DMD: variants seen among roughly 807,000 people sequenced by gnomAD.
DMD encodes dystrophin, also known as mutant dystrophin.
In DMD, 63 loss-of-function variants were observed where a neutral mutation model predicts 330.1. The ratio of observed to expected loss-of-function variants is 0.19; its 90% CI spans 0.16 to 0.24. DMD has a LOEUF of 0.24. Among genes scored for constraint, DMD ranks in the 10% least tolerant of loss-of-function variants. The probability of loss-of-function intolerance (pLI) is 1.00; values close to 1 mark genes in which losing one functional copy is unlikely to be tolerated. For missense variants in DMD, 3,344 were observed against 2,684.1 expected, an observed-to-expected ratio of 1.25 and a Z score of -5.43; for synonymous variants, 1,223 against 959.8, an observed-to-expected ratio of 1.27 and a Z score of -5.07.
intron 7 of DMD, among the ~76,000 whole-genome samples, chrX:32,776,325 C>T (rs1204171346): frequency 9.2e-6 from 1 of 108,352 alleles, no homozygotes; most frequent in Admixed American, 1.0e-4. Context: ...TTACCCAGTT[C>T]CAAAGTCACT....
intron 41 of DMD, among the ~76,000 whole-genome samples, chrX:32,322,759 G>T (rs1448980519): frequency 9.0e-6 from 1 of 110,994 alleles, no homozygotes; most frequent in Non-Finnish European, 1.9e-5. Context: ...GGAAACAATA[G>T]TAGCTTGAAG....
intron 44 of DMD, among the ~76,000 whole-genome samples, chrX:32,022,769 T>G (rs1402071997): frequency 9.0e-6 from 1 of 110,883 alleles, no homozygotes; most frequent in Non-Finnish European, 1.9e-5. Context: ...CAATGTCATA[T>G]ATTGCAAAAA....
intron 47 of DMD, among the ~76,000 whole-genome samples, chrX:31,907,158 C>G (rs1050217736): frequency 9.0e-6 from 1 of 111,600 alleles, no homozygotes; most frequent in East Asian, 2.8e-4. Flanking sequence ...AAAATTTGAG[C>G]TCAAGTAGTT....
At chrX:31,163,877 C>A (rs1414505657) in intron 74 of DMD, among the ~76,000 whole-genome samples, 2 of 111,663 alleles carry the variant, frequency 1.8e-5, no homozygotes, top group African/African-American at 6.5e-5. Flanking sequence ...CACTGCACGA[C>A]ACTGTGTGAA....
chrX:31,476,397 G>GTATA lies in DMD; in HGVS notation c.8937+1705_8937+1708dup, dbSNP rs373498710. On this transcript the variant is annotated intron_variant, in intron 59 of 78. Transcript: ENST00000357033. ...TATCTAACTATGTATGTGTGTGTGTGTATATATATATATATATATATATAC... is the reference window on the plus strand; with the variant it reads ...TATCTAACTATGTATGTGTGTGTGTGTATATATATATATATATATATATATATAC... Among the ~76,000 whole-genome samples the GTATA allele has an allele frequency of 8.6e-3, 759 of 88,260 alleles. 7 individuals carry two copies. The highest frequency in any genetic ancestry group is 0.013 in the African/African-American group (310 of 23,438). 76.6% of individuals were successfully genotyped at this position (88,260 alleles called of 115,157 possible).
At chrX:31,328,127 T>G (rs2056893503) in intron 61 of DMD, among the ~76,000 whole-genome samples, 1 of 112,372 alleles carries the variant, frequency 8.9e-6, no homozygotes, top group Admixed American at 9.4e-5. Flanking sequence ...ATAAATTCCC[T>G]CTTTGGGAAC....
At chrX:31,783,682 T>C (rs1461156257) in intron 50 of DMD, among the ~76,000 whole-genome samples, 1 of 110,936 alleles carries the variant, frequency 9.0e-6, no homozygotes, top group Non-Finnish European at 1.9e-5. Context: ...TATATATGCA[T>C]ATGTATATAT....
At chrX:33,204,352 C>T (rs776762672) in intron 1 of DMD, among the ~76,000 whole-genome samples, 2 of 111,994 alleles carry the variant, frequency 1.8e-5, no homozygotes, top group East Asian at 5.6e-4. Flanking sequence ...TGTTTTAGAT[C>T]TTTCTCCATA....
chrX:32,902,660 A>C (rs2086367903), intron 2 of DMD, among the ~76,000 whole-genome samples: 1 of 110,741 alleles, frequency 9.0e-6, no homozygotes, highest in African/African-American at 3.4e-5. Flanking sequence ...TCATTTCTAT[A>C]AAAAGAAATG....
At chrX:32,523,957 G>T (rs1293360025) in intron 17 of DMD, among the ~76,000 whole-genome samples, 1 of 101,198 alleles carries the variant, frequency 9.9e-6, no homozygotes, top group Non-Finnish European at 2.0e-5. Context: ...TTTTGAGACG[G>T]AGTCTTGCTC....
intron 59 of DMD, among the ~76,000 whole-genome samples, chrX:31,470,344 C>T (rs1185654084): frequency 2.7e-5 from 3 of 111,612 alleles, no homozygotes; most frequent in African/African-American, 9.8e-5. Flanking sequence ...TGGTGACCTT[C>T]AGATGGGGTT....
chrX:31,678,658 G>A (rs866000251), intron 53 of DMD, among the ~76,000 whole-genome samples: 17 of 111,076 alleles, frequency 1.5e-4, no homozygotes, highest in African/African-American at 5.6e-4. Context: ...GAAAGTGAGA[G>A]TACTCCTTAT....
intron 18 of DMD, among the ~76,000 whole-genome samples, chrX:32,508,985 T>G (rs1339176367): frequency 4.6e-5 from 5 of 108,832 alleles, no homozygotes; most frequent in Non-Finnish European, 7.6e-5. Flanking sequence ...TAATTTTTTG[T>G]ATTTTTAGTA....
intron 2 of DMD, among the ~76,000 whole-genome samples, chrX:33,018,514 A>G (rs1036507261): frequency 9.0e-6 from 1 of 111,724 alleles, no homozygotes; most frequent in Middle Eastern, 4.2e-3. Context: ...GATAAATGAT[A>G]ATGGAAAAGG....
chrX:32,272,019 T>C (rs764451303), intron 43 of DMD, among the ~76,000 whole-genome samples: 43 of 111,764 alleles, frequency 3.8e-4, no homozygotes, highest in Middle Eastern at 4.6e-3. Context: ...TTAACATGTA[T>C]TGAACATCTA....
chrX:32,961,021 T>C (rs1164293944), intron 2 of DMD, among the ~76,000 whole-genome samples: 1 of 110,868 alleles, frequency 9.0e-6, no homozygotes, highest in Non-Finnish European at 1.9e-5. Flanking sequence ...TGTAAAATTG[T>C]ATATGTTAAT....
At position 33,009,453 on chromosome X, in the gene DMD, T is replaced by C. The variant is rs1476654560; in HGVS notation, c.93+10686A>G. ...GTATGTGTATACACATATGTATGTATGTGTATACACATATGTGTGTATGTG... is the reference window on the plus strand; with the variant it reads ...GTATGTGTATACACATATGTATGTACGTGTATACACATATGTGTGTATGTG... On this transcript the variant is annotated intron_variant, in intron 2 of 78. Coordinates refer to ENST00000357033, the MANE Select transcript of DMD (RefSeq NM_004006.3). Among the ~76,000 whole-genome samples, 5 of 86,786 alleles carry C rather than the reference T, an allele frequency of 5.8e-5. No homozygotes were observed. The South Asian group carries it at 1.7e-3, about 30-fold the overall frequency. 75.4% of individuals were successfully genotyped at this position (86,786 alleles called of 115,157 possible). A position where few individuals can be genotyped will look rare whatever the true frequency, so the allele number is the denominator to read the frequency against.
intron 2 of DMD, among the ~76,000 whole-genome samples, chrX:32,947,489 T>C (rs760019289): frequency 1.8e-5 from 2 of 111,720 alleles, no homozygotes; most frequent in Non-Finnish European, 3.8e-5. Context: ...TTTTTAAAAA[T>C]GAAAATAGTT....
intron 62 of DMD, among the ~76,000 whole-genome samples, chrX:31,275,969 A>C (rs948370155): frequency 8.9e-6 from 1 of 112,508 alleles, no homozygotes; most frequent in Non-Finnish European, 1.9e-5. Flanking sequence ...ACAATGTATA[A>C]CTCTTAAAAA....
Sources: allele counts gnomAD v4.1 joint callset (sites outside exome capture counted in the v4.1 genomes callset), GRCh38; gene constraint gnomAD v4.1.1; transcripts MANE v1.5; gene names NCBI Gene and HGNC (gene_info 2026-07-23, HGNC 2026-07-21).